The following OC90 variants were observed in gnomAD, a reference collection of about 807,000 sequenced individuals.
The protein encoded by OC90 is otoconin-90.
In OC90, 46 loss-of-function variants were observed where a neutral mutation model predicts 47.3. The ratio of observed to expected loss-of-function variants is 0.97; its 90% confidence interval spans 0.77 to 1.24. The LOEUF is 1.24. Ranked by LOEUF, OC90 falls within the 50% of genes most tolerant of loss-of-function variation. The pLI, the probability that OC90 is intolerant of heterozygous loss-of-function variation, is 0.00. For missense variants in OC90, 688 were observed against 583.9 expected (o/e 1.18, Z -1.84); for synonymous variants, 271 against 219.5 (o/e 1.23, Z -2.07).
chr8:132,048,885 A>G (rs1283100597), intron 2 of OC90, among the ~76,000 whole-genome samples: 1 of 151,504 alleles, frequency 6.6e-6, no homozygotes, highest in Non-Finnish European at 1.5e-5. Context: ...CCTATGACCC[A>G]TCTCACCAAA....
intron 6 of OC90, among the ~76,000 whole-genome samples, chr8:132,039,557 G>A (rs1268755214): frequency 3.9e-5 from 6 of 152,026 alleles, no homozygotes; most frequent in East Asian, 1.9e-4. Context: ...TGTTCAGAAC[G>A]TCCCAGCGTC....
chr8:132,040,594 A>G (rs1184437580), intron 6 of OC90, among the ~76,000 whole-genome samples: 1 of 152,174 alleles, frequency 6.6e-6, no homozygotes, highest in East Asian at 1.9e-4. Context: ...CTCCACGTCC[A>G]TCTCTGAGTT....
intron 2 of OC90, chr8:132,049,788 C>A (rs955487805): frequency 1.6e-5 from 8 of 513,732 alleles, no homozygotes; most frequent in African/African-American, 9.6e-5. Context: ...CAAGCCAAAC[C>A]ACTTAATGAA....
At chr8:132,047,442 T>C (rs1194683799) in intron 2 of OC90, among the ~76,000 whole-genome samples, 2 of 152,358 alleles carry the variant, frequency 1.3e-5, no homozygotes, top group African/African-American at 2.4e-5. Flanking sequence ...TAATGCAACA[T>C]TTTAAGCCAA....
At position 132,048,415 on chromosome 8, in the gene OC90, G is replaced by T. The variant is rs528913594; in HGVS notation, c.47-2532C>A. Among the ~76,000 whole-genome samples the T allele has an allele frequency of 4.7e-5, 7 of 150,048 alleles. No individual in the cohort carries two copies. The South Asian group carries it at 1.4e-3, about 31-fold the overall frequency. On this transcript the variant is annotated intron_variant, in intron 2 of 13. Transcript: ENST00000254627. ...CTGAGAGCAATTTGGGATGGTTGGA[G>T]TATGGAGACTAAGGCAGTCATGGTC...
chr8:132,041,662 G>C lies in OC90; in HGVS notation c.207C>G (p.Val69=), dbSNP rs115883855. The C allele has an allele frequency of 1.5e-3, 2,375 of 1,601,044 alleles. 32 individuals carry two copies. In the African/African-American group the frequency reaches 0.028, roughly 19 times the overall value. The change falls in exon 5 of 14, where the codon GTC becomes GTG. Residue 69 remains valine, a synonymous_variant. Transcript: ENST00000254627. ...GGATCAGCACAGGGAAATTGGTGAA[G>C]ACAGCCTGCAGCCAGGTGAAGTGGG... is the stretch of plus-strand genomic sequence containing the variant. ...LGPHFTWLQA[V]FTNFPVLIQF...
At chr8:132,034,422 C>A (rs781399518) in intron 10 of OC90, among the ~76,000 whole-genome samples, 8 of 152,194 alleles carry the variant, frequency 5.3e-5, no homozygotes, top group Non-Finnish European at 1.0e-4. Context: ...AGGATTAAGA[C>A]TCTCCAGCTA....
intron 1 of OC90, among the ~76,000 whole-genome samples, chr8:132,055,844 T>C (rs571360181): frequency 1.0e-3 from 156 of 152,280 alleles, no homozygotes; most frequent in African/African-American, 3.6e-3. Context: ...CAGCAAATAT[T>C]TAACTTCAAT....
Position 132,050,335 on chromosome 8 carries a change from G to A in OC90, c.47-4452C>T, listed in dbSNP as rs559570701. Among the ~76,000 whole-genome samples the A allele has an allele frequency of 2.0e-5, 3 of 152,272 alleles. No homozygotes were observed. The South Asian group carries it at 6.2e-4, about 32-fold the overall frequency. On this transcript the variant is annotated intron_variant, in intron 2 of 13. Transcript: ENST00000254627. ...TAGGCACAGTGACGGTGGAGTCATA[G>A]GAAGGCACGATCCATGAAGACTTGT...
chr8:132,056,228 C>T lies in OC90; in HGVS notation c.-47-1155G>A, dbSNP rs533990143. ...TGTTGCATCAACCCGAAGGAAGGAGCACTTTGTAAAATTTGTTCTCCCAGA... is the reference window on the plus strand; with the variant it reads ...TGTTGCATCAACCCGAAGGAAGGAGTACTTTGTAAAATTTGTTCTCCCAGA... On this transcript the variant is annotated intron_variant, in intron 1 of 13. Transcript: ENST00000254627. Among the ~76,000 whole-genome samples the T allele has an allele frequency of 2.4e-4, 37 of 152,216 alleles. No individual in the cohort carries two copies. In the South Asian group the frequency reaches 7.5e-3, roughly 31 times the overall value.
chr8:132,048,748 A>C (rs1050193677), intron 2 of OC90, among the ~76,000 whole-genome samples: 3 of 151,514 alleles, frequency 2.0e-5, no homozygotes, highest in Non-Finnish European at 4.4e-5. Context: ...AAAATATCAG[A>C]GGTTTAGAGA....
intron 6 of OC90, among the ~76,000 whole-genome samples, chr8:132,039,694 G>A (rs181866849): frequency 1.3e-5 from 2 of 152,172 alleles, no homozygotes; most frequent in African/African-American, 2.4e-5. Flanking sequence ...ACCCATTTGT[G>A]TCTCACTGCT....
At chr8:132,029,560 A>T (rs1822842244) in intron 12 of OC90, among the ~76,000 whole-genome samples, 1 of 152,248 alleles carries the variant, frequency 6.6e-6, no homozygotes, top group African/African-American at 2.4e-5. Flanking sequence ...CAAAGGTACC[A>T]TATGGGCTAG....
chr8:132,043,419 T>C (rs1048100701), intron 4 of OC90, among the ~76,000 whole-genome samples: 1 of 152,232 alleles, frequency 6.6e-6, no homozygotes, highest in Non-Finnish European at 1.5e-5. Flanking sequence ...CCAGGGATAA[T>C]GATTTGCCCT....
At chr8:132,032,467 T>C (rs2130853025) in intron 11 of OC90, among the ~76,000 whole-genome samples, 1 of 152,160 alleles carries the variant, frequency 6.6e-6, no homozygotes, top group Admixed American at 6.5e-5. Flanking sequence ...CTCCTCTGCC[T>C]CTCCGTCTCC....
intron 2 of OC90, among the ~76,000 whole-genome samples, chr8:132,046,600 T>C (rs1823136963): frequency 6.6e-6 from 1 of 152,214 alleles, no homozygotes; most frequent in African/African-American, 2.4e-5. Flanking sequence ...GACAAATATA[T>C]GGGAGTTGGA....
At chr8:132,050,686 C>T (rs896779122) in intron 2 of OC90, among the ~76,000 whole-genome samples, 6 of 152,144 alleles carry the variant, frequency 3.9e-5, no homozygotes, top group African/African-American at 1.4e-4. Flanking sequence ...CTTCCAAACA[C>T]AAAATGACTC....
At chr8:132,038,717 A>C in intron 8 of OC90, 73 bp downstream of exon 8, 2 of 1,147,402 alleles carry the variant, frequency 1.7e-6, no homozygotes, top group Non-Finnish European at 2.6e-6. Context: ...CTGGTGGAGG[A>C]GGTGTATCCA....
At chr8:132,055,279 T>C (rs1823266657) in intron 1 of OC90, among the ~76,000 whole-genome samples, 1 of 152,202 alleles carries the variant, frequency 6.6e-6, no homozygotes, top group African/African-American at 2.4e-5. Flanking sequence ...AGTTTACCCA[T>C]CTGTAAAATG....
Sources: gnomAD v4.1 joint callset for allele counts (sites outside exome capture counted in the v4.1 genomes callset) on GRCh38, gnomAD v4.1.1 for gene constraint, MANE v1.5 for transcripts, NCBI Gene and HGNC (gene_info 2026-07-23, HGNC 2026-07-21) for gene names.